POGLUT3: variants seen among roughly 807,000 people sequenced by gnomAD.
POGLUT3 encodes KDEL (Lys-Asp-Glu-Leu) containing 2.
In POGLUT3, 48 loss-of-function variants were observed where a neutral mutation model predicts 54.3. The ratio of observed to expected loss-of-function variants is 0.88; its 90% CI spans 0.70 to 1.12. POGLUT3 has a LOEUF of 1.12. Among genes scored for constraint, POGLUT3 ranks in the 50% most tolerant of loss-of-function variants. POGLUT3 has a pLI of 0.00. For synonymous variants in POGLUT3, 218 were observed against 237.4 expected, an observed-to-expected ratio of 0.92 and a Z score of 0.75; for missense variants, 629 against 618.7, an observed-to-expected ratio of 1.02 and a Z score of -0.18.
Position 108,482,150 on chromosome 11 carries a change from T to G in POGLUT3, c.757A>C (p.Thr253Pro). The change falls in exon 4 of 8, where the codon ACC becomes CCC. Residue 253 changes from threonine to proline, a missense_variant. Physicochemically the swap from Thr to Pro is conservative, Grantham distance 38. Coordinates refer to ENST00000323468, the MANE Select transcript of POGLUT3 (RefSeq NM_153705.5). ...WPLEHRKVNG[T>P]PSPIPIISWC... Reference sequence around the variant, plus strand: ...GAAATGATAGGTATGGGGCTAGGGGTTCCATTGACTTTTCGATGCTCCAAG... The same window carrying G: ...GAAATGATAGGTATGGGGCTAGGGGGTCCATTGACTTTTCGATGCTCCAAG... 1 of 1,614,094 alleles carries G rather than the reference T, an allele frequency of 6.2e-7. No homozygotes were observed. The highest frequency in any genetic ancestry group is 8.5e-7 in the Non-Finnish European group (1 of 1,179,986).
At position 108,481,288 on chromosome 11, in the gene POGLUT3, T is replaced by C. The variant is rs1162878115; in HGVS notation, c.990A>G (p.Lys330=). ...EERLQLVQLS[K]ENPQLLDAGI... Reference sequence around the variant, plus strand: ...CTGCATCTAGTAGCTGAGGATTTTCTTTGGACAGCTGTACCAACTGGAGCC... The same window carrying C: ...CTGCATCTAGTAGCTGAGGATTTTCCTTGGACAGCTGTACCAACTGGAGCC... Residue 330 remains lysine, a synonymous_variant, in exon 5 of 8, where the codon AAA becomes AAG. Coordinates refer to ENST00000323468, the MANE Select transcript of POGLUT3 (RefSeq NM_153705.5). 3.7e-6 allele frequency: 6 copies of C among 1,613,322 alleles called. No individual in the cohort carries two copies. Among genetic ancestry groups the C allele is most frequent in the African/African-American group, 1.3e-5 (1 of 74,860 alleles).
Position 108,482,154 on chromosome 11 carries a change from A to AT in POGLUT3, c.752dup (p.Asn251LysfsTer5), listed in dbSNP as rs753122497. On this transcript the variant is annotated frameshift_variant, in exon 4 of 8. Transcript: ENST00000323468. LOFTEE classifies it high-confidence loss of function. Reference sequence around the variant, plus strand: ...TGATAGGTATGGGGCTAGGGGTTCCATTGACTTTTCGATGCTCCAAGGGCC... The same window carrying AT: ...TGATAGGTATGGGGCTAGGGGTTCCATTTGACTTTTCGATGCTCCAAGGGCC... The AT allele has an allele frequency of 1.5e-5, 24 of 1,614,176 alleles. No individual in the cohort carries two copies. The African/African-American group carries it at 2.4e-4, about 16-fold the overall frequency.
chr11:108,498,245 G>A lies in POGLUT3; in HGVS notation c.122C>T (p.Ala41Val). ...RSLVWGPGLQ[A>V]AVVLPVRYFY... ...ATAGCGGACCGGCAGGACGACGGCC[G>A]CCTGCAGCCCGGGCCCCCACACCAG... The change falls in exon 1 of 8, where the codon GCG becomes GTG. Residue 41 changes from alanine to valine, a missense_variant. By Grantham distance (64) the Ala-to-Val change is moderately conservative. Coordinates refer to ENST00000323468, the MANE Select transcript of POGLUT3 (RefSeq NM_153705.5). 1 of 1,508,384 alleles carries A rather than the reference G, an allele frequency of 6.6e-7. No homozygotes were observed. The highest frequency in any genetic ancestry group is 8.9e-7 in the Non-Finnish European group (1 of 1,129,682). 93.4% of individuals were successfully genotyped at this position (1,508,384 alleles called of 1,614,324 possible).
chr11:108,486,253 G>A lies in POGLUT3; in HGVS notation c.588C>T (p.Tyr196=), dbSNP rs2093603097. 3 of 1,613,772 alleles carry A rather than the reference G, an allele frequency of 1.9e-6. No homozygotes were observed. Among genetic ancestry groups the A allele is most frequent in the Non-Finnish European group, 2.5e-6 (3 of 1,179,792 alleles). The part of the protein sequence containing the change: ...FGDERGAIVH[Y]TILNNHVYRR... ...GGTAAACATGGTTATTGAGAATCGTGTAATGAACAATGGCACCTCTCTCAT... is the reference window on the plus strand; with the variant it reads ...GGTAAACATGGTTATTGAGAATCGTATAATGAACAATGGCACCTCTCTCAT... The change falls in exon 3 of 8, where the codon TAC becomes TAT. Residue 196 remains tyrosine (Y), a synonymous_variant. Coordinates refer to ENST00000323468, the MANE Select transcript of POGLUT3 (RefSeq NM_153705.5).
chr11:108,480,628 GT>G (rs35098447), intron 5 of POGLUT3, among the ~76,000 whole-genome samples: 1 of 151,992 alleles, frequency 6.6e-6, no homozygotes, highest in Non-Finnish European at 1.5e-5. Flanking sequence ...AGCCCATCAG[GT>G]TTTGTCACAT....
intron 7 of POGLUT3, 35 bp downstream of exon 7, chr11:108,477,572 C>T (rs186960557): frequency 8.9e-6 from 12 of 1,348,404 alleles, no homozygotes; most frequent in Middle Eastern, 1.8e-4. Flanking sequence ...TGAGGACACC[C>T]GACCCAGCAG....
chr11:108,481,259 A>G lies in POGLUT3; in HGVS notation c.1019T>C (p.Ile340Thr). 6.2e-7 allele frequency: 1 copy of G among 1,613,086 alleles called. No individual in the cohort carries two copies. Among genetic ancestry groups the G allele is most frequent in the Non-Finnish European group, 8.5e-7 (1 of 1,179,696 alleles). Reference sequence around the variant, plus strand: ...CTCTTGGAAAAAGAAATATCCTGTAATTCCTGCATCTAGTAGCTGAGGATT... The same window carrying G: ...CTCTTGGAAAAAGAAATATCCTGTAGTTCCTGCATCTAGTAGCTGAGGATT... ...KENPQLLDAG[I>T]TGYFFFQEKE... Residue 340 changes from isoleucine to threonine, a missense_variant, in exon 5 of 8, where the codon ATT becomes ACT. Physicochemically the swap from Ile to Thr is moderately conservative, Grantham distance 89. Coordinates refer to ENST00000323468, the MANE Select transcript of POGLUT3 (RefSeq NM_153705.5).
intron 2 of POGLUT3, among the ~76,000 whole-genome samples, chr11:108,490,448 G>A (rs372005839): frequency 2.6e-5 from 4 of 151,878 alleles, no homozygotes; most frequent in Admixed American, 1.3e-4. Flanking sequence ...CCATCCACTC[G>A]CCTCAGCCTC....
At chr11:108,496,409 G>A (rs2093622293) in intron 1 of POGLUT3, among the ~76,000 whole-genome samples, 1 of 151,528 alleles carries the variant, frequency 6.6e-6, no homozygotes, top group Admixed American at 6.6e-5. Flanking sequence ...AAATTTCAGT[G>A]GCCATAAAAA....
intron 1 of POGLUT3, among the ~76,000 whole-genome samples, chr11:108,494,336 A>G (rs1297787110): frequency 1.3e-5 from 2 of 152,250 alleles, no homozygotes; most frequent in Non-Finnish European, 2.9e-5. Context: ...GTCAAGGGAA[A>G]CAAAATCCCA....
At chr11:108,491,283 T>TA (rs995240126) in intron 1 of POGLUT3, 116 bp from the exon 2 acceptor site, 96 of 767,936 alleles carry the variant, frequency 1.3e-4, no homozygotes, top group Non-Finnish European at 1.6e-4. Flanking sequence ...CATTGGTGGT[T>TA]AAAAAAAAAT....
At chr11:108,492,067 C>G (rs2093614333) in intron 1 of POGLUT3, among the ~76,000 whole-genome samples, 1 of 146,704 alleles carries the variant, frequency 6.8e-6, no homozygotes, top group South Asian at 2.3e-4. Flanking sequence ...TTACCAGACT[C>G]TTGTACAAGC....
At chr11:108,483,856 A>T (rs1021544995) in intron 3 of POGLUT3, among the ~76,000 whole-genome samples, 1 of 151,962 alleles carries the variant, frequency 6.6e-6, no homozygotes, top group Non-Finnish European at 1.5e-5. Context: ...TTTAGTAGAG[A>T]TGGGATTTCA....
In POGLUT3 at chr11:108,481,289, T is replaced by G. The variant is rs988925701; in HGVS notation, c.989A>C (p.Lys330Thr). The change falls in exon 5 of 8, where the codon AAA becomes ACA. Residue 330 changes from lysine to threonine, a missense_variant. By Grantham distance (78) the Lys-to-Thr change is moderately conservative. Transcript: ENST00000323468. ...TGCATCTAGTAGCTGAGGATTTTCT[T>G]TGGACAGCTGTACCAACTGGAGCCT... The part of the protein sequence containing the change: ...EERLQLVQLS[K>T]ENPQLLDAGI... The G allele has an allele frequency of 1.2e-6, 2 of 1,613,316 alleles. No homozygotes were observed. The highest frequency in any genetic ancestry group is 1.7e-5 in the Admixed American group (1 of 59,888).
chr11:108,498,252 G>T lies in POGLUT3; in HGVS notation c.115C>A (p.Leu39Met). ...ACCGGCAGGACGACGGCCGCCTGCA[G>T]CCCGGGCCCCCACACCAGGCTCCGC... ...APRSLVWGPG[L>M]QAAVVLPVRY... Residue 39 changes from leucine (L) to methionine (M), a missense_variant, in exon 1 of 8, where the codon CTG (leucine) becomes ATG (methionine). By Grantham distance (15) the Leu-to-Met change is conservative (BLOSUM62 2). Transcript: ENST00000323468. 6.6e-7 allele frequency: 1 copy of T among 1,505,134 alleles called. No homozygotes were observed. Among genetic ancestry groups the T allele is most frequent in the Non-Finnish European group, 8.9e-7 (1 of 1,127,856 alleles). The allele number at this position is 1,505,134 out of a possible 1,614,324, so 93.2% of individuals were successfully genotyped here.
chr11:108,492,676 TA>T (rs2093615349), intron 1 of POGLUT3, among the ~76,000 whole-genome samples: 1 of 152,196 alleles, frequency 6.6e-6, no homozygotes, highest in Non-Finnish European at 1.5e-5. Context: ...ATCTTGCTAT[TA>T]AATATTAATA....
rs1490030790 is a variant in POGLUT3, at chr11:108,473,048, ATATTTT to A, written c.*1773_*1778del. ...GTAAATATTTCAGTTAGGAGAATAC[ATATTTT>A]TATTTTTATTTTCAGTTTTTGAGAT... is the stretch of plus-strand genomic sequence containing the variant. On this transcript the variant is annotated 3_prime_UTR_variant, in exon 8 of 8. Transcript: ENST00000323468. 39 of 151,926 alleles carry A rather than the reference ATATTTT, an allele frequency of 2.6e-4. No individual in the cohort carries two copies. Among genetic ancestry groups the A allele is most frequent in the Admixed American group, 6.6e-5 (1 of 15,240 alleles). The allele number at this position is 151,926 out of a possible 1,614,324, so 9.4% of individuals were successfully genotyped here. A position where few individuals can be genotyped will look rare whatever the true frequency, so the allele number is the denominator to read the frequency against.
At position 108,477,721 on chromosome 11, in the gene POGLUT3, TAAAA is replaced by T. The variant is rs766681951; in HGVS notation, c.1294-14_1294-11del. On this transcript the variant is annotated splice_polypyrimidine_tract_variant and intron_variant, in intron 6 of 7. Transcript: ENST00000323468. ...CTTCTTCATCATTTTCCTGAAAGGTTAAAAAAAATAAAAATGAATGAAAATTACT... is the reference window on the plus strand; with the variant it reads ...CTTCTTCATCATTTTCCTGAAAGGTTAAAATAAAAATGAATGAAAATTACT... 4 of 1,538,706 alleles carry T rather than the reference TAAAA, an allele frequency of 2.6e-6. No homozygotes were observed. Among genetic ancestry groups the T allele is most frequent in the Non-Finnish European group, 3.6e-6 (4 of 1,112,606 alleles).
chr11:108,480,360 A>G (rs775919753), intron 5 of POGLUT3, among the ~76,000 whole-genome samples: 1 of 152,234 alleles, frequency 6.6e-6, no homozygotes, highest in Non-Finnish European at 1.5e-5. Context: ...TTGGGTTAAT[A>G]TACTTTGTTT....
Sources: gnomAD v4.1 joint callset for allele counts (sites outside exome capture counted in the v4.1 genomes callset) on GRCh38, gnomAD v4.1.1 for gene constraint, MANE v1.5 for transcripts, NCBI Gene and HGNC (gene_info 2026-07-23, HGNC 2026-07-21) for gene names.